The following ACVR1C variants were observed in gnomAD, a reference collection of about 807,000 sequenced individuals.
ACVR1C encodes the protein activin receptor type-1C.
A neutral mutation model predicts 57.9 loss-of-function variants in ACVR1C; 23 were observed. The observed-to-expected ratio is 0.40, with a 90% CI of 0.29 to 0.56. The LOEUF is 0.56. Among genes scored for constraint, ACVR1C ranks in the 20% least tolerant of loss-of-function variants. The pLI is 0.50. For missense variants in ACVR1C, 480 were observed against 607.9 expected, an observed-to-expected ratio of 0.79 and a Z score of 2.21; for synonymous variants, 214 against 215.3, an observed-to-expected ratio of 0.99 and a Z score of 0.05.
At chr2:157,555,565 T>G (rs1163816735) in intron 3 of ACVR1C, among the ~76,000 whole-genome samples, 1 of 152,196 alleles carries the variant, frequency 6.6e-6, no homozygotes, top group Non-Finnish European at 1.5e-5. Flanking sequence ...AACATATTCT[T>G]GATTTAATTT....
In ACVR1C at chr2:157,606,808, T is replaced by C. The variant is rs1573951741; in HGVS notation, c.74-19391A>G. ...TCTTTTGCTATACAGAAACTTTTTTTAGTTTAATATAGTCCCATTTTTCTA... is the reference window on the plus strand; with the variant it reads ...TCTTTTGCTATACAGAAACTTTTTTCAGTTTAATATAGTCCCATTTTTCTA... On this transcript the variant is annotated intron_variant, in intron 1 of 8. Transcript: ENST00000243349. Among the ~76,000 whole-genome samples the C allele has an allele frequency of 3.3e-5, 5 of 151,904 alleles. No individual in the cohort carries two copies. In the South Asian group the frequency reaches 1.0e-3, roughly 31 times the overall value.
chr2:157,619,633 A>T (rs1018455936), intron 1 of ACVR1C, among the ~76,000 whole-genome samples: 2 of 152,150 alleles, frequency 1.3e-5, no homozygotes, highest in South Asian at 2.1e-4. Flanking sequence ...CTAAAATAGG[A>T]TAAACTCTGA....
chr2:157,531,764 T>C lies in ACVR1C; in HGVS notation c.*2154A>G, dbSNP rs1687354279. ...AAACTGATGATATATTTAGATTGTCTGTAATATCCAAATAAAGCTACTTTC... is the reference window on the plus strand; with the variant it reads ...AAACTGATGATATATTTAGATTGTCCGTAATATCCAAATAAAGCTACTTTC... On this transcript the variant is annotated 3_prime_UTR_variant, in exon 9 of 9. Transcript: ENST00000243349. The C allele has an allele frequency of 6.6e-6, 1 of 152,122 alleles. No individual in the cohort carries two copies. The highest frequency in any genetic ancestry group is 1.5e-5 in the Non-Finnish European group (1 of 67,986). 9.4% of individuals were successfully genotyped at this position (152,122 alleles called of 1,614,324 possible).
At position 157,598,242 on chromosome 2, in the gene ACVR1C, AAAG is replaced by A. The variant is rs550448219; in HGVS notation, c.74-10828_74-10826del. Among the ~76,000 whole-genome samples, 12 of 151,836 alleles carry A rather than the reference AAAG, an allele frequency of 7.9e-5. No homozygotes were observed. In the South Asian group the frequency reaches 1.7e-3, roughly 21 times the overall value. On this transcript the variant is annotated intron_variant, in intron 1 of 8. Coordinates refer to ENST00000243349, the MANE Select transcript of ACVR1C (RefSeq NM_145259.3). ...CATCCTCTATTACTATGATTTCAAA[AAAG>A]AAGTCAATTCACATGATTTAATCAT... is the stretch of plus-strand genomic sequence containing the variant.
chr2:157,554,465 T>G (rs1253010028), intron 3 of ACVR1C, among the ~76,000 whole-genome samples: 3 of 151,928 alleles, frequency 2.0e-5, no homozygotes, highest in Non-Finnish European at 2.9e-5. Flanking sequence ...AGCCAATAAT[T>G]TATTTTAATT....
rs565366753 is a variant in ACVR1C, at chr2:157,599,353, G to A, written c.74-11936C>T. Among the ~76,000 whole-genome samples the A allele has an allele frequency of 5.8e-3, 562 of 97,072 alleles. 5 individuals carry two copies. Among genetic ancestry groups the A allele is most frequent in the African/African-American group, 0.021 (524 of 24,792 alleles). 63.7% of individuals were successfully genotyped at this position (97,072 alleles called of 152,430 possible). A position where few individuals can be genotyped will look rare whatever the true frequency, so the allele number is the denominator to read the frequency against. On this transcript the variant is annotated intron_variant, in intron 1 of 8. Transcript: ENST00000243349. ...AAAAAAAAAAAAAAAAAAAAAAAAA[G>A]GCTGAATAATAATAGCCACCCACTC...
intron 8 of ACVR1C, among the ~76,000 whole-genome samples, chr2:157,538,353 T>C (rs987040171): frequency 3.9e-5 from 6 of 152,158 alleles, no homozygotes; most frequent in African/African-American, 1.4e-4. Context: ...AATAAAGTCT[T>C]GTGGAAAGTC....
chr2:157,530,465 G>T lies in ACVR1C; in HGVS notation c.*3453C>A, dbSNP rs1390178467. The T allele has an allele frequency of 6.6e-6, 1 of 152,010 alleles. No homozygotes were observed. Among genetic ancestry groups the T allele is most frequent in the Non-Finnish European group, 1.5e-5 (1 of 67,978 alleles). The allele number at this position is 152,010 out of a possible 1,614,324, so 9.4% of individuals were successfully genotyped here. ...CTCTGCCCCAATAAGTCACATGGTG[G>T]CAAAATTCCAGGAAAATAGGAGTAG... is the stretch of plus-strand genomic sequence containing the variant. On this transcript the variant is annotated 3_prime_UTR_variant, in exon 9 of 9. Coordinates refer to ENST00000243349, the MANE Select transcript of ACVR1C (RefSeq NM_145259.3).
In ACVR1C at chr2:157,554,268, A is replaced by AAAGAAAGAAAGG. The variant is rs1261113225; in HGVS notation, c.544+1824_544+1825insCCTTTCTTTCTT. ...GAAAGAAAGAAAGAAAGAAAGAAAG[A>AAAGAAAGAAAGG]AAGGAAGGAAGGAAGAGAGAGAGAG... On this transcript the variant is annotated intron_variant, in intron 3 of 8. Coordinates refer to ENST00000243349, the MANE Select transcript of ACVR1C (RefSeq NM_145259.3). 4.7e-3 allele frequency among the ~76,000 whole-genome samples: 538 copies of AAAGAAAGAAAGG among 113,310 alleles called. 2 individuals carry two copies. The highest frequency in any genetic ancestry group is 5.6e-3 in the Non-Finnish European group (333 of 59,456). The allele number at this position is 113,310 out of a possible 152,430, so 74.3% of individuals were successfully genotyped here.
In ACVR1C at chr2:157,556,268, G is replaced by A; in HGVS notation, c.369C>T (p.Cys123=). The A allele has an allele frequency of 3.1e-6, 5 of 1,614,210 alleles. No individual in the cohort carries two copies. Among genetic ancestry groups the A allele is most frequent in the South Asian group, 1.1e-5 (1 of 91,078 alleles). ...ELAIIITVPV[C]LLSIAAMLTV... ...TCAGCATCGCAGCTATGGACAGGAG[G>A]CAAACAGGCACAGTAATAATGATGG... is the stretch of plus-strand genomic sequence containing the variant. Residue 123 remains cysteine, a synonymous_variant, in exon 3 of 9, where the codon TGC becomes TGT. Coordinates refer to ENST00000243349, the MANE Select transcript of ACVR1C (RefSeq NM_145259.3).
At chr2:157,604,473 C>A (rs915659243) in intron 1 of ACVR1C, among the ~76,000 whole-genome samples, 8 of 151,982 alleles carry the variant, frequency 5.3e-5, no homozygotes, top group Admixed American at 4.6e-4. Context: ...TTTATCCATT[C>A]ATCAGTTAAA....
At chr2:157,591,635 C>T (rs1263364202) in intron 1 of ACVR1C, among the ~76,000 whole-genome samples, 3 of 152,170 alleles carry the variant, frequency 2.0e-5, no homozygotes, top group Middle Eastern at 3.4e-3. Flanking sequence ...AACCATTTGT[C>T]ACTAGACATT....
chr2:157,564,753 C>T (rs2105233405), intron 2 of ACVR1C, among the ~76,000 whole-genome samples: 1 of 152,340 alleles, frequency 6.6e-6, no homozygotes, highest in East Asian at 1.9e-4. Context: ...TGTACATCTA[C>T]ACCATGGGAT....
intron 1 of ACVR1C, among the ~76,000 whole-genome samples, chr2:157,610,398 T>C (rs1682506259): frequency 6.6e-6 from 1 of 152,166 alleles, no homozygotes; most frequent in Non-Finnish European, 1.5e-5. Flanking sequence ...AGGTTTCTGT[T>C]GAAAATTCAG....
In ACVR1C at chr2:157,550,143, A is replaced by C; in HGVS notation, c.775+19T>G. The C allele has an allele frequency of 1.2e-6, 2 of 1,608,990 alleles. No homozygotes were observed. ...AGACAGCATTTTTTACTTGTTGAAC[A>C]CAATTAGATTGGAAATACCTTTGTT... On this transcript the variant is annotated intron_variant, in intron 4 of 8. Transcript: ENST00000243349.
Position 157,527,261 on chromosome 2 carries a change from A to G in ACVR1C, c.*6657T>C, listed in dbSNP as rs1687249591. 1 of 152,120 alleles carries G rather than the reference A, an allele frequency of 6.6e-6. No homozygotes were observed. Among genetic ancestry groups the G allele is most frequent in the African/African-American group, 2.4e-5 (1 of 41,414 alleles). The allele number at this position is 152,120 out of a possible 1,614,324, so 9.4% of individuals were successfully genotyped here. ...TTGCCCAATTCCTATTTTAAAACCT[A>G]ATTTATTTTTTCATATTCCTTCCTT... On this transcript the variant is annotated 3_prime_UTR_variant, in exon 9 of 9. Coordinates refer to ENST00000243349, the MANE Select transcript of ACVR1C (RefSeq NM_145259.3).
At chr2:157,610,679 A>C (rs926193421) in intron 1 of ACVR1C, among the ~76,000 whole-genome samples, 1 of 152,072 alleles carries the variant, frequency 6.6e-6, no homozygotes. Flanking sequence ...TAATTTGTAT[A>C]TTTGGTCCCT....
At chr2:157,605,104 T>C (rs1353526200) in intron 1 of ACVR1C, among the ~76,000 whole-genome samples, 1 of 151,808 alleles carries the variant, frequency 6.6e-6, no homozygotes, top group Admixed American at 6.6e-5. Flanking sequence ...TTTATTTATT[T>C]TTGCTTATGA....
At chr2:157,560,378 G>A (rs1688206565) in intron 2 of ACVR1C, among the ~76,000 whole-genome samples, 1 of 152,164 alleles carries the variant, frequency 6.6e-6, no homozygotes, top group Non-Finnish European at 1.5e-5. Context: ...ATGGCTATGT[G>A]AACCTGAGAA....
Sources: gnomAD v4.1 joint callset for allele counts (sites outside exome capture counted in the v4.1 genomes callset) on GRCh38, gnomAD v4.1.1 for gene constraint, MANE v1.5 for transcripts, NCBI Gene and HGNC (gene_info 2026-07-23, HGNC 2026-07-21) for gene names.